Variants in ADGRF3 observed in about 807,000 individuals in gnomAD.
ADGRF3 encodes G protein-coupled receptor 113.
ADGRF3 carries 85 observed loss-of-function variants against 93.2 expected under a neutral mutation model. The ratio of observed to expected loss-of-function variants is 0.91; its 90% CI spans 0.77 to 1.09. ADGRF3 has a LOEUF of 1.09. Among genes scored for constraint, ADGRF3 ranks in the 50% least tolerant of loss-of-function variants. ADGRF3 has a pLI of 0.00. For synonymous variants in ADGRF3, 534 were observed against 532.5 expected (o/e 1.00, Z -0.04); for missense variants, 1,125 against 1,246.2 (o/e 0.90, Z 1.46).
In ADGRF3 at chr2:26,346,432, C is replaced by A. The variant is rs2147938762; in HGVS notation, c.-198G>T. 1.9e-6 allele frequency: 2 copies of A among 1,042,236 alleles called. No individual in the cohort carries two copies. Among genetic ancestry groups the A allele is most frequent in the Non-Finnish European group, 2.6e-6 (2 of 757,680 alleles). The allele number at this position is 1,042,236 out of a possible 1,614,324, so 64.6% of individuals were successfully genotyped here. ...GCGTTCCTCCGGAGGTCCTGCGGGTCCTGGGGATTGGGGGTCGGGGAGCGT... is the reference window on the plus strand; with the variant it reads ...GCGTTCCTCCGGAGGTCCTGCGGGTACTGGGGATTGGGGGTCGGGGAGCGT... On this transcript the variant is annotated 5_prime_UTR_variant, in exon 1 of 14. Transcript: ENST00000651242.
chr2:26,346,051 C>T, intron 1 of ADGRF3, 70 bp downstream of exon 1: 4 of 1,459,938 alleles, frequency 2.7e-6, no homozygotes, highest in Admixed American at 2.1e-5. Context: ...GCTGCGCTTG[C>T]GCACTGAGAG....
intron 1 of ADGRF3, among the ~76,000 whole-genome samples, chr2:26,343,470 C>T (rs905760690): frequency 1.3e-5 from 2 of 151,534 alleles, no homozygotes; most frequent in Admixed American, 6.6e-5. Flanking sequence ...GACAGAGCCT[C>T]GCTGTGTCAC....
At chr2:26,318,795 GTTCTC>G (rs1674922675) in intron 1 of ADGRF3, 1 of 1,158,092 alleles carries the variant, frequency 8.6e-7, no homozygotes. Flanking sequence ...GTAAAACTGA[GTTCTC>G]AGAGATCTCA....
intron 1 of ADGRF3, among the ~76,000 whole-genome samples, chr2:26,321,251 C>T (rs1023214936): frequency 1.3e-5 from 2 of 152,080 alleles, no homozygotes; most frequent in African/African-American, 4.8e-5. Flanking sequence ...TTGTAAATAG[C>T]TGATTTCAGA....
At chr2:26,334,487 C>G (rs1210868358) in intron 1 of ADGRF3, among the ~76,000 whole-genome samples, 1 of 152,148 alleles carries the variant, frequency 6.6e-6, no homozygotes, top group East Asian at 1.9e-4. Context: ...CTCCTGATTA[C>G]TTTCTCCTGA....
At chr2:26,321,149 C>T (rs1226054769) in intron 1 of ADGRF3, among the ~76,000 whole-genome samples, 1 of 152,114 alleles carries the variant, frequency 6.6e-6, no homozygotes, top group Non-Finnish European at 1.5e-5. Flanking sequence ...GCATTTCCAC[C>T]TCCACCTCCA....
intron 1 of ADGRF3, among the ~76,000 whole-genome samples, chr2:26,329,891 CA>C (rs1253642181): frequency 2.0e-5 from 3 of 152,158 alleles, no homozygotes; most frequent in Non-Finnish European, 4.4e-5. Context: ...TAGATAATTC[CA>C]ACATCTTTGT....
rs970455297 is a variant in ADGRF3 at position 26,309,040 on chromosome 2, G to A, written c.*46C>T. 2.5e-6 allele frequency: 4 copies of A among 1,613,732 alleles called. No individual in the cohort carries two copies. In the African/African-American group the frequency reaches 5.3e-5, roughly 22 times the overall value. On this transcript the variant is annotated 3_prime_UTR_variant, in exon 14 of 14. Coordinates refer to ENST00000651242, the MANE Select transcript of ADGRF3 (RefSeq NM_001321971.2). ...GCCAGGGCTCATCTGGTGGGTTCAA[G>A]CACACAGCCTCAACTCCCTTGCAGG...
At chr2:26,318,242 G>T (rs1446673212) in intron 1 of ADGRF3, 2 of 625,932 alleles carry the variant, frequency 3.2e-6, no homozygotes, top group Non-Finnish European at 5.6e-6. Context: ...ATGCACCTGC[G>T]TGTGCGTGTG....
rs1443005162 is a variant in ADGRF3 at position 26,346,151 on chromosome 2, T to C, written c.84A>G (p.Ala28=). Residue 28 remains alanine, a synonymous_variant, in exon 1 of 14, where the codon GCA becomes GCG. Transcript: ENST00000651242. ...CGGGCAGCCCAGTCTTTGCCATCCTTGCCCAGCCGGTGTGGTGCTTGTGTG... is the reference window on the plus strand; with the variant it reads ...CGGGCAGCCCAGTCTTTGCCATCCTCGCCCAGCCGGTGTGGTGCTTGTGTG... ...AVTHKHHTGW[A]RMAKTGLPEK... 6 of 1,606,462 alleles carry C rather than the reference T, an allele frequency of 3.7e-6. No homozygotes were observed. The highest frequency in any genetic ancestry group is 5.1e-6 in the Non-Finnish European group (6 of 1,176,882).
At chr2:26,317,162 C>A in intron 2 of ADGRF3, 107 bp from the exon 3 acceptor site, 3 of 1,180,784 alleles carry the variant, frequency 2.5e-6, no homozygotes, top group South Asian at 2.8e-5. Flanking sequence ...GCAGAGCAGA[C>A]CCCCTCCCAC....
intron 5 of ADGRF3, 153 bp from the exon 6 acceptor site, chr2:26,314,776 G>A (rs1674510032): frequency 1.9e-5 from 12 of 644,010 alleles, no homozygotes; most frequent in Middle Eastern, 8.1e-4. Flanking sequence ...TGGCCCCTTT[G>A]GTGGACATTC....
At chr2:26,334,999 C>A (rs537372528) in intron 1 of ADGRF3, among the ~76,000 whole-genome samples, 1 of 152,160 alleles carries the variant, frequency 6.6e-6, no homozygotes, top group Non-Finnish European at 1.5e-5. Context: ...TCCTCCCTCA[C>A]GATGTGCTTT....
intron 1 of ADGRF3, among the ~76,000 whole-genome samples, chr2:26,321,138 T>G (rs1347923113): frequency 6.6e-6 from 1 of 152,108 alleles, no homozygotes; most frequent in East Asian, 1.9e-4. Context: ...ATAGCCCCAT[T>G]GCATTTCCAC....
chr2:26,309,184 C>T (rs1574688085), intron 13 of ADGRF3, 77 bp from the exon 14 acceptor site: 1 of 1,613,890 alleles, frequency 6.2e-7, no homozygotes, highest in East Asian at 2.2e-5. Flanking sequence ...GGATACCAAG[C>T]CCACCCATGG....
At chr2:26,316,646 C>T (rs569673179) in intron 3 of ADGRF3, among the ~76,000 whole-genome samples, 198 bp from the exon 4 acceptor site, 2 of 152,272 alleles carry the variant, frequency 1.3e-5, no homozygotes, top group East Asian at 3.9e-4. Context: ...TCTCGGGGGC[C>T]AGGGAACAGG....
At chr2:26,335,361 A>G (rs1318962057) in intron 1 of ADGRF3, among the ~76,000 whole-genome samples, 1 of 152,194 alleles carries the variant, frequency 6.6e-6, no homozygotes, top group Non-Finnish European at 1.5e-5. Context: ...AGCATATATC[A>G]TTACTTCATT....
chr2:26,331,024 C>A (rs1401460955), intron 1 of ADGRF3, among the ~76,000 whole-genome samples: 1 of 152,134 alleles, frequency 6.6e-6, no homozygotes, highest in Non-Finnish European at 1.5e-5. Flanking sequence ...TTTATTATTT[C>A]ATTCAAAATA....
rs540924584 is a variant in ADGRF3 at position 26,345,663 on chromosome 2, C to T, written c.114+458G>A. On this transcript the variant is annotated intron_variant, in intron 1 of 13. Coordinates refer to ENST00000651242, the MANE Select transcript of ADGRF3 (RefSeq NM_001321971.2). Reference sequence around the variant, plus strand: ...GCTGGGAGCGGCTCGCGGTACAGACCTCCTTCCTCTTTTACTTCGCTGCAG... The same window carrying T: ...GCTGGGAGCGGCTCGCGGTACAGACTTCCTTCCTCTTTTACTTCGCTGCAG... The T allele has an allele frequency of 2.3e-4, 37 of 157,942 alleles. 1 individual carries two copies. The South Asian group carries it at 5.1e-3, about 22-fold the overall frequency. 9.8% of individuals were successfully genotyped at this position (157,942 alleles called of 1,614,324 possible).
Sources: gnomAD v4.1 joint callset for allele counts (sites outside exome capture counted in the v4.1 genomes callset) on GRCh38, gnomAD v4.1.1 for gene constraint, MANE v1.5 for transcripts, NCBI Gene and HGNC (gene_info 2026-07-23, HGNC 2026-07-21) for gene names.